Variants in OTUD7A observed in about 807,000 individuals in gnomAD.
OTUD7A encodes the protein OTU domain-containing protein 7A.
A neutral mutation model predicts 65.7 loss-of-function variants in OTUD7A; 12 were observed. The ratio of observed to expected loss-of-function variants is 0.18; its 90% CI spans 0.12 to 0.30. The LOEUF (loss-of-function observed/expected upper bound fraction) is 0.30. Ranked by LOEUF, OTUD7A falls within the 10% of genes least tolerant of loss-of-function variation. The probability of loss-of-function intolerance (pLI) is 1.00; values close to 1 mark genes in which losing one functional copy is unlikely to be tolerated. For missense variants in OTUD7A, 1,148 were observed against 1,304.8 expected, an observed-to-expected ratio of 0.88 and a Z score of 1.85; for synonymous variants, 641 against 586.3, an observed-to-expected ratio of 1.09 and a Z score of -1.35.
At chr15:31,671,939 G>A (rs918810631) in intron 1 of OTUD7A, among the ~76,000 whole-genome samples, 1 of 152,004 alleles carries the variant, frequency 6.6e-6, no homozygotes, top group African/African-American at 2.4e-5. Flanking sequence ...CCTCAAGTAG[G>A]TCCCGGAGTC....
At chr15:31,541,012 A>C (rs1595596063) in intron 5 of OTUD7A, among the ~76,000 whole-genome samples, 1 of 152,214 alleles carries the variant, frequency 6.6e-6, no homozygotes, top group African/African-American at 2.4e-5. Flanking sequence ...AATTTTATAG[A>C]AGCATAGGGA....
At chr15:31,631,769 T>C (rs1201608680) in intron 3 of OTUD7A, among the ~76,000 whole-genome samples, 2 of 152,226 alleles carry the variant, frequency 1.3e-5, no homozygotes, top group African/African-American at 2.4e-5. Flanking sequence ...CCCATATTTC[T>C]TGGAGGCTTT....
chr15:31,716,796 A>C (rs1893598822), intron 1 of OTUD7A, among the ~76,000 whole-genome samples: 1 of 151,944 alleles, frequency 6.6e-6, no homozygotes, highest in African/African-American at 2.4e-5. Flanking sequence ...CAAAGGGAGG[A>C]GGCTGCATGG....
intron 1 of OTUD7A, among the ~76,000 whole-genome samples, chr15:31,807,529 C>T (rs1896301871): frequency 6.6e-6 from 1 of 152,092 alleles, no homozygotes; most frequent in Non-Finnish European, 1.5e-5. Context: ...CAGTCTCCTA[C>T]CTGGGGAGCT....
intron 1 of OTUD7A, among the ~76,000 whole-genome samples, chr15:31,856,136 TAA>T (rs1897566196): frequency 6.6e-6 from 1 of 152,236 alleles, no homozygotes; most frequent in Non-Finnish European, 1.5e-5. Flanking sequence ...AATCACTAAA[TAA>T]AAATATAATT....
At chr15:31,550,431 G>C (rs1175228204) in intron 5 of OTUD7A, among the ~76,000 whole-genome samples, 1 of 152,172 alleles carries the variant, frequency 6.6e-6, no homozygotes, top group African/African-American at 2.4e-5. Context: ...CATGAGACTT[G>C]GCAAGGAAGC....
Position 31,558,961 on chromosome 15 carries a change from C to T in OTUD7A, c.550+8G>A. ...AAGAGGGTGGGCCTGCTGGCAGGGGCAACTCACCTGCCTGCTCCAAAGCCA... is the reference window on the plus strand; with the variant it reads ...AAGAGGGTGGGCCTGCTGGCAGGGGTAACTCACCTGCCTGCTCCAAAGCCA... On this transcript the variant is annotated splice_region_variant and intron_variant, in intron 5 of 12. Coordinates refer to ENST00000307050, the MANE Select transcript of OTUD7A (RefSeq NM_001382637.1). The T allele has an allele frequency of 6.2e-7, 1 of 1,613,840 alleles. No homozygotes were observed. Among genetic ancestry groups the T allele is most frequent in the Non-Finnish European group, 8.5e-7 (1 of 1,179,854 alleles).
intron 1 of OTUD7A, among the ~76,000 whole-genome samples, chr15:31,736,500 C>T (rs1894196760): frequency 6.6e-6 from 1 of 152,132 alleles, no homozygotes; most frequent in South Asian, 2.1e-4. Context: ...GATATATTAA[C>T]ATACATCCAA....
intron 1 of OTUD7A, among the ~76,000 whole-genome samples, chr15:31,801,668 C>T (rs1176562205): frequency 2.6e-5 from 4 of 152,124 alleles, no homozygotes; most frequent in Admixed American, 6.5e-5. Flanking sequence ...CTACATTGTG[C>T]TGTGTGTATG....
intron 5 of OTUD7A, among the ~76,000 whole-genome samples, chr15:31,551,234 TA>T (rs1888313367): frequency 6.6e-6 from 1 of 152,190 alleles, no homozygotes; most frequent in South Asian, 2.1e-4. Context: ...AGTGCTATTC[TA>T]ACATCCAGCA....
intron 1 of OTUD7A, among the ~76,000 whole-genome samples, chr15:31,854,744 C>T (rs1413908572): frequency 6.6e-6 from 1 of 151,726 alleles, no homozygotes; most frequent in Admixed American, 6.6e-5. Flanking sequence ...AACATATTCA[C>T]AGGTTTGGGG....
chr15:31,815,754 C>A (rs1018865261), intron 1 of OTUD7A, among the ~76,000 whole-genome samples: 2 of 152,232 alleles, frequency 1.3e-5, no homozygotes, highest in African/African-American at 2.4e-5. Context: ...TGGAATCCCA[C>A]GGGGGTTGTT....
chr15:31,565,790 T>C (rs755584540), intron 4 of OTUD7A, among the ~76,000 whole-genome samples: 1 of 152,216 alleles, frequency 6.6e-6, no homozygotes, highest in Non-Finnish European at 1.5e-5. Context: ...AAAATGTACT[T>C]GAATAACTCT....
At chr15:31,531,260 A>G (rs1186462990) in intron 5 of OTUD7A, among the ~76,000 whole-genome samples, 2 of 152,114 alleles carry the variant, frequency 1.3e-5, no homozygotes, top group African/African-American at 4.8e-5. Context: ...TTTCATGAAT[A>G]TTTACATTTA....
intron 1 of OTUD7A, among the ~76,000 whole-genome samples, chr15:31,826,006 C>T (rs1896789033): frequency 6.6e-6 from 1 of 152,172 alleles, no homozygotes; most frequent in South Asian, 2.1e-4. Context: ...AGCCTCCCTC[C>T]CAGCTGCTTT....
At chr15:31,860,737 G>A (rs545141093) in intron 1 of OTUD7A, among the ~76,000 whole-genome samples, 57 of 99,796 alleles carry the variant, frequency 5.7e-4, no homozygotes, top group Admixed American at 1.4e-3. Flanking sequence ...ACGGAGTTTC[G>A]CTCTGTTGCC....
intron 1 of OTUD7A, among the ~76,000 whole-genome samples, chr15:31,717,501 T>C (rs1480103609): frequency 6.6e-6 from 1 of 152,240 alleles, no homozygotes; most frequent in Admixed American, 6.5e-5. Flanking sequence ...TTTGGTTTTC[T>C]GTTCCTGTGT....
chr15:31,629,494 C>T (rs1891072420), intron 3 of OTUD7A, among the ~76,000 whole-genome samples: 1 of 152,132 alleles, frequency 6.6e-6, no homozygotes, highest in Non-Finnish European at 1.5e-5. Context: ...ATTCGGTCTG[C>T]CAGTATTTTA....
At chr15:31,510,388 T>TC (rs1192657824) in intron 8 of OTUD7A, among the ~76,000 whole-genome samples, 1 of 151,164 alleles carries the variant, frequency 6.6e-6, no homozygotes, top group Non-Finnish European at 1.5e-5. Flanking sequence ...CTTTTTTTTT[T>TC]CCCCTTCCCC....
Sources: gnomAD v4.1 joint callset for allele counts (sites outside exome capture counted in the v4.1 genomes callset) on GRCh38, gnomAD v4.1.1 for gene constraint, MANE v1.5 for transcripts, NCBI Gene and HGNC (gene_info 2026-07-23, HGNC 2026-07-21) for gene names.